Variants in PATJ observed in about 807,000 individuals in gnomAD.
PATJ encodes PATJ crumbs cell polarity complex component, also known as inaD-like protein.
PATJ carries 190 observed loss-of-function variants against 224.9 expected under a neutral mutation model. The ratio of observed to expected loss-of-function variants is 0.84; its 90% CI spans 0.75 to 0.95. The LOEUF is 0.95. Among genes scored for constraint, PATJ ranks in the 40% least tolerant of loss-of-function variants. The pLI is 0.00. For missense variants in PATJ, 2,121 were observed against 2,270.3 expected, an observed-to-expected ratio of 0.93 and a Z score of 1.34; for synonymous variants, 769 against 820.3, an observed-to-expected ratio of 0.94 and a Z score of 1.07.
intron 37 of PATJ, 102 bp from the exon 38 acceptor site, chr1:62,121,079 T>C (rs1479566758): frequency 4.3e-6 from 3 of 700,642 alleles, no homozygotes. Flanking sequence ...TTCTGTTAGA[T>C]GGTTATGGTG....
chr1:61,783,095 G>C, intron 7 of PATJ, among the ~76,000 whole-genome samples: 1 of 152,214 alleles, frequency 6.6e-6, no homozygotes, highest in East Asian at 1.9e-4. Context: ...TTTCAGTGTA[G>C]AGTAAGGAAG....
chr1:62,050,299 G>C (rs1388369328), intron 30 of PATJ, among the ~76,000 whole-genome samples: 1 of 152,136 alleles, frequency 6.6e-6, no homozygotes, highest in East Asian at 1.9e-4. Flanking sequence ...GTAACAGAAT[G>C]GCTAACTCAA....
intron 14 of PATJ, among the ~76,000 whole-genome samples, chr1:61,822,014 G>A (rs1300652808): frequency 6.6e-6 from 1 of 152,176 alleles, no homozygotes; most frequent in East Asian, 1.9e-4. Flanking sequence ...ATAAACGATT[G>A]CCTTTCCCAA....
intron 24 of PATJ, 144 bp from the exon 25 acceptor site, chr1:61,908,227 TA>T: frequency 1.7e-6 from 1 of 589,412 alleles, no homozygotes; most frequent in Non-Finnish European, 3.0e-6. Flanking sequence ...CCAAGCTTTT[TA>T]TGGGCCAATC....
chr1:62,043,942 C>G (rs1003897471), intron 30 of PATJ, among the ~76,000 whole-genome samples: 5 of 152,106 alleles, frequency 3.3e-5, no homozygotes, highest in Non-Finnish European at 7.3e-5. Flanking sequence ...TGCCCATGCC[C>G]AGTCTGCTGG....
chr1:61,865,971 C>T (rs1036681268), intron 20 of PATJ, among the ~76,000 whole-genome samples: 10 of 151,946 alleles, frequency 6.6e-5, no homozygotes, highest in African/African-American at 2.4e-4. Context: ...ATTTATGTGA[C>T]CCTGGAGGAT....
intron 30 of PATJ, among the ~76,000 whole-genome samples, chr1:62,043,796 C>T (rs191331659): frequency 2.3e-3 from 349 of 152,090 alleles, no homozygotes; most frequent in Non-Finnish European, 3.8e-3. Context: ...GGCATGATCT[C>T]AGCTCACTGC....
At chr1:61,869,996 C>T (rs1279145087) in intron 20 of PATJ, among the ~76,000 whole-genome samples, 7 of 151,652 alleles carry the variant, frequency 4.6e-5, no homozygotes, top group Non-Finnish European at 1.0e-4. Flanking sequence ...CTGCCATCTG[C>T]GGACGGCTTA....
intron 28 of PATJ, among the ~76,000 whole-genome samples, chr1:62,003,616 G>A (rs780281721): frequency 6.6e-6 from 1 of 152,184 alleles, no homozygotes; most frequent in Non-Finnish European, 1.5e-5. Context: ...GTATTAAGAA[G>A]TGGCTGCTTG....
intron 17 of PATJ, among the ~76,000 whole-genome samples, chr1:61,854,334 A>AT (rs1213330977): frequency 1.3e-5 from 2 of 152,226 alleles, no homozygotes; most frequent in African/African-American, 4.8e-5. Context: ...TGGGAGAAGC[A>AT]TAGAGAAACC....
chr1:62,103,678 T>C (rs1440855849), intron 33 of PATJ, among the ~76,000 whole-genome samples: 1 of 150,708 alleles, frequency 6.6e-6, no homozygotes, highest in Non-Finnish European at 1.5e-5. Flanking sequence ...CACTTGAATC[T>C]GGGAGGTGGA....
At chr1:62,101,812 T>C (rs1662213066) in intron 33 of PATJ, among the ~76,000 whole-genome samples, 1 of 152,176 alleles carries the variant, frequency 6.6e-6, no homozygotes, top group African/African-American at 2.4e-5. Flanking sequence ...AGAAAACCAC[T>C]ATTTGGGAGA....
intron 41 of PATJ, among the ~76,000 whole-genome samples, chr1:62,144,972 C>T (rs149903400): frequency 7.0e-4 from 106 of 151,978 alleles, no homozygotes; most frequent in African/African-American, 2.5e-3. Flanking sequence ...GCCACCACAC[C>T]GGCTAATTTC....
At position 61,775,299 on chromosome 1, in the gene PATJ, G is replaced by T; in HGVS notation, c.814G>T (p.Val272Leu). The T allele has an allele frequency of 6.2e-7, 1 of 1,613,936 alleles. No individual in the cohort carries two copies. The stretch of plus-strand genomic sequence containing the variant: ...TGGAGGAAAAACAAGTGGCGTGGTT[G>T]TGAGGACTATAGTTCCTGGAGGATT... ...IVGGKTSGVV[V>L]RTIVPGGLAD... The change falls in exon 7 of 44, where the codon GTG (valine) becomes TTG (leucine). Residue 272 changes from valine (V) to leucine (L), a missense_variant. Coordinates refer to ENST00000642238, the MANE Select transcript of PATJ (RefSeq NM_001350145.3).
intron 14 of PATJ, among the ~76,000 whole-genome samples, chr1:61,813,096 G>A (rs1021100808): frequency 2.0e-5 from 3 of 151,610 alleles, no homozygotes; most frequent in African/African-American, 7.3e-5. Flanking sequence ...CATTCATCAC[G>A]TGGTTCAGCT....
intron 7 of PATJ, among the ~76,000 whole-genome samples, chr1:61,787,162 T>C (rs1648733223): frequency 6.6e-6 from 1 of 152,202 alleles, no homozygotes; most frequent in Non-Finnish European, 1.5e-5. Context: ...GCACAGAAGC[T>C]TGAATTATGT....
intron 29 of PATJ, among the ~76,000 whole-genome samples, chr1:62,028,996 C>CATACATACATACATAT (rs373687469): frequency 6.6e-6 from 1 of 151,888 alleles, no homozygotes; most frequent in Non-Finnish European, 1.5e-5. Context: ...TACATACATA[C>CATACATACATACATAT]ACGTATACCA....
intron 25 of PATJ, among the ~76,000 whole-genome samples, chr1:61,909,169 G>A (rs1002372004): frequency 6.6e-6 from 1 of 152,030 alleles, no homozygotes; most frequent in African/African-American, 2.4e-5. Context: ...TAGTAGAGAC[G>A]AGGTTTCACC....
chr1:62,079,382 A>G (rs1658877634), intron 31 of PATJ, 68 bp from the exon 32 acceptor site: 1 of 897,130 alleles, frequency 1.1e-6, no homozygotes, highest in African/African-American at 1.6e-5. Context: ...ACAATACACC[A>G]GTTTTAAAGT....
Sources: allele counts gnomAD v4.1 joint callset (sites outside exome capture counted in the v4.1 genomes callset), GRCh38; gene constraint gnomAD v4.1.1; transcripts MANE v1.5; gene names NCBI Gene and HGNC (gene_info 2026-07-23, HGNC 2026-07-21).